The following SPIN1 variants were observed in gnomAD, a reference collection of about 807,000 sequenced individuals.
SPIN1 encodes the protein spindlin-1.
In SPIN1, 3 loss-of-function variants were observed where a neutral mutation model predicts 26.0. The ratio of observed to expected loss-of-function variants is 0.12; its 90% CI spans 0.05 to 0.30. SPIN1 has a LOEUF of 0.30. Among genes scored for constraint, SPIN1 ranks in the 10% least tolerant of loss-of-function variants. The pLI is 1.00. For synonymous variants in SPIN1, 101 were observed against 116.5 expected, an observed-to-expected ratio of 0.87 and a Z score of 0.86; for missense variants, 126 against 333.4, an observed-to-expected ratio of 0.38 and a Z score of 4.84.
chr9:88,410,527 A>G, intron 1 of SPIN1: 7 of 790,300 alleles, frequency 8.9e-6, no homozygotes, highest in Non-Finnish European at 4.5e-6. Flanking sequence ...TTTGTTACCT[A>G]ATTAAAATCT....
intron 1 of SPIN1, among the ~76,000 whole-genome samples, chr9:88,419,976 C>T (rs1445327971): frequency 1.3e-5 from 2 of 152,206 alleles, no homozygotes; most frequent in East Asian, 3.8e-4. Flanking sequence ...CTCTATTGTC[C>T]TGTTTTTTCA....
At chr9:88,427,907 G>A (rs1485949960) in intron 2 of SPIN1, among the ~76,000 whole-genome samples, 4 of 152,048 alleles carry the variant, frequency 2.6e-5, no homozygotes, top group Admixed American at 2.0e-4. Flanking sequence ...CCAAAAAATG[G>A]GACTATTAAT....
At chr9:88,472,213 A>C (rs575406893) in intron 5 of SPIN1, among the ~76,000 whole-genome samples, 17 of 152,200 alleles carry the variant, frequency 1.1e-4, no homozygotes, top group Non-Finnish European at 1.8e-4. Context: ...GACAGGGACT[A>C]TGTTGAATTT....
At chr9:88,433,280 G>T (rs1402167789) in intron 2 of SPIN1, among the ~76,000 whole-genome samples, 1 of 151,502 alleles carries the variant, frequency 6.6e-6, no homozygotes, top group Non-Finnish European at 1.5e-5. Flanking sequence ...ATGGGGTTTC[G>T]CCATGTTGCC....
At chr9:88,400,650 A>G (rs1827166326) in intron 1 of SPIN1, among the ~76,000 whole-genome samples, 1 of 152,214 alleles carries the variant, frequency 6.6e-6, no homozygotes, top group South Asian at 2.1e-4. Flanking sequence ...GTTTGAGACC[A>G]GCCTGGCCAA....
At chr9:88,450,900 G>A (rs1828340541) in intron 3 of SPIN1, among the ~76,000 whole-genome samples, 1 of 152,086 alleles carries the variant, frequency 6.6e-6, no homozygotes, top group Non-Finnish European at 1.5e-5. Context: ...GCTTTGAAGA[G>A]GCTGCCTGGT....
intron 1 of SPIN1, among the ~76,000 whole-genome samples, chr9:88,389,711 A>C (rs992209306): frequency 6.6e-6 from 1 of 152,198 alleles, no homozygotes; most frequent in African/African-American, 2.4e-5. Flanking sequence ...ACCTGTCTTA[A>C]CTTTTTTTCT....
At chr9:88,441,414 T>TGTGTGTGC in intron 2 of SPIN1, among the ~76,000 whole-genome samples, 3 of 141,204 alleles carry the variant, frequency 2.1e-5, no homozygotes, top group African/African-American at 8.7e-5. Context: ...TGTGTGTGTG[T>TGTGTGTGC]GCGCGCGCGC....
chr9:88,453,149 A>AT (rs1489287024), intron 3 of SPIN1, among the ~76,000 whole-genome samples: 1 of 150,824 alleles, frequency 6.6e-6, no homozygotes, highest in Non-Finnish European at 1.5e-5. Flanking sequence ...TTTTTTTTAA[A>AT]TTTTTTATTT....
intron 1 of SPIN1, among the ~76,000 whole-genome samples, chr9:88,396,875 A>G (rs1399437317): frequency 6.6e-6 from 1 of 152,098 alleles, no homozygotes; most frequent in Non-Finnish European, 1.5e-5. Context: ...AATACTGTAG[A>G]CTATTGGAAC....
At chr9:88,448,416 A>G (rs1189967018) in intron 2 of SPIN1, among the ~76,000 whole-genome samples, 1 of 151,652 alleles carries the variant, frequency 6.6e-6, no homozygotes, top group Non-Finnish European at 1.5e-5. Context: ...CAGTGGCACA[A>G]ACACAGCTCA....
intron 5 of SPIN1, among the ~76,000 whole-genome samples, chr9:88,473,660 T>TGTGTGTGC (rs887908844): frequency 7.2e-5 from 11 of 152,062 alleles, no homozygotes; most frequent in African/African-American, 2.2e-4. Context: ...TGTGTGTGTG[T>TGTGTGTGC]GCACGCGCTA....
chr9:88,426,534 A>G lies in SPIN1; in HGVS notation c.-6A>G. 2 of 1,613,148 alleles carry G rather than the reference A, an allele frequency of 1.2e-6. No homozygotes were observed. The highest frequency in any genetic ancestry group is 1.7e-6 in the Non-Finnish European group (2 of 1,179,354). On this transcript the variant is annotated 5_prime_UTR_variant, in exon 2 of 6. Coordinates refer to ENST00000375859, the MANE Select transcript of SPIN1 (RefSeq NM_006717.3). ...GCAGCTCCGCTGCTCACTTAAATAC[A>G]GATGAATGAAGACCCCATTCGGAAA...
chr9:88,433,179 A>C (rs1355741693), intron 2 of SPIN1, among the ~76,000 whole-genome samples: 1 of 152,170 alleles, frequency 6.6e-6, no homozygotes, highest in African/African-American at 2.4e-5. Context: ...TCCCAGGCTC[A>C]AGAGATCCTC....
chr9:88,443,400 C>CT (rs746095889), intron 2 of SPIN1, among the ~76,000 whole-genome samples: 5 of 152,118 alleles, frequency 3.3e-5, no homozygotes, highest in Non-Finnish European at 7.4e-5. Context: ...TTATCTGTAG[C>CT]TTTTTTTGAT....
At chr9:88,422,262 C>G (rs1827684232) in intron 1 of SPIN1, among the ~76,000 whole-genome samples, 1 of 152,194 alleles carries the variant, frequency 6.6e-6, no homozygotes, top group African/African-American at 2.4e-5. Context: ...TTCCGTAACA[C>G]TTGAAGGTTC....
chr9:88,430,267 G>A (rs1827843145), intron 2 of SPIN1, among the ~76,000 whole-genome samples: 3 of 152,192 alleles, frequency 2.0e-5, no homozygotes, highest in South Asian at 4.1e-4. Context: ...GACTTAAATA[G>A]CCTGGAGCTT....
At chr9:88,469,598 T>TC (rs1441047092) in intron 5 of SPIN1, among the ~76,000 whole-genome samples, 1 of 137,868 alleles carries the variant, frequency 7.3e-6, no homozygotes, top group Non-Finnish European at 1.5e-5. Flanking sequence ...CACTGCAACC[T>TC]CCGCCTCCCA....
chr9:88,391,387 T>C (rs1252787925), intron 1 of SPIN1: 2 of 173,004 alleles, frequency 1.2e-5, no homozygotes, highest in Non-Finnish European at 2.6e-5. Context: ...CTTGGTGTCA[T>C]GATTCCCTGT....
Sources: allele counts gnomAD v4.1 joint callset (sites outside exome capture counted in the v4.1 genomes callset), GRCh38; gene constraint gnomAD v4.1.1; transcripts MANE v1.5; gene names NCBI Gene and HGNC (gene_info 2026-07-23, HGNC 2026-07-21).